COQ5: variants seen among roughly 807,000 people sequenced by gnomAD.
The protein encoded by COQ5 is coenzyme Q5, methyltransferase.
In COQ5, 27 loss-of-function variants were observed where a neutral mutation model predicts 40.5. The observed-to-expected ratio is 0.67, with a 90% CI of 0.49 to 0.92. The LOEUF (loss-of-function observed/expected upper bound fraction) is 0.92, where lower values mean the gene tolerates loss of function less well. Among genes scored for constraint, COQ5 ranks in the 40% least tolerant of loss-of-function variants. COQ5 has a pLI of 0.00. For synonymous variants in COQ5, 141 were observed against 150.0 expected (o/e 0.94, Z 0.44); for missense variants, 409 against 406.4 (o/e 1.01, Z -0.06).
intron 3 of COQ5, among the ~76,000 whole-genome samples, chr12:120,510,688 T>C (rs766776559): frequency 2.6e-5 from 4 of 152,274 alleles, no homozygotes; most frequent in East Asian, 3.9e-4. Flanking sequence ...GCCTACTCTA[T>C]AGGGTTACTA....
chr12:120,516,908 G>A, intron 2 of COQ5, 120 bp from the exon 3 acceptor site: 1 of 861,992 alleles, frequency 1.2e-6, no homozygotes, highest in Admixed American at 1.8e-5. Flanking sequence ...TTAGCTAACT[G>A]GATGCAGTGT....
At chr12:120,522,182 A>G in intron 2 of COQ5, 32 bp downstream of exon 2, 6 of 1,613,142 alleles carry the variant, frequency 3.7e-6, no homozygotes, top group Non-Finnish European at 8.5e-7. Flanking sequence ...AACATGCTCA[A>G]TGGTAGTGAA....
intron 4 of COQ5, among the ~76,000 whole-genome samples, chr12:120,506,521 C>T (rs1565928749): frequency 6.6e-6 from 1 of 152,032 alleles, no homozygotes; most frequent in African/African-American, 2.4e-5. Flanking sequence ...TACATGCCAC[C>T]ACACCCGGCT....
chr12:120,507,581 G>T (rs1191652982), intron 4 of COQ5, among the ~76,000 whole-genome samples: 1 of 147,016 alleles, frequency 6.8e-6, no homozygotes, highest in African/African-American at 2.5e-5. Context: ...ACCACGCCCG[G>T]CCTCTATTCA....
Position 120,516,737 on chromosome 12 carries a change from T to C in COQ5, c.404A>G (p.Lys135Arg), listed in dbSNP as rs748683450. 3.1e-6 allele frequency: 5 copies of C among 1,614,224 alleles called. No homozygotes were observed. In the South Asian group the frequency reaches 5.5e-5, roughly 18 times the overall value. Reference protein sequence around the residue: ...LNYVQSQHQRKQKRQLRAQQN... With the variant: ...LNYVQSQHQRRQKRQLRAQQN... The stretch of plus-strand genomic sequence containing the variant: ...TTGGGCCCTTAACTGCCTCTTCTGT[T>C]TTCTCTGATGCTGGGACTGAACATA... The change falls in exon 3 of 7, where the codon AAA (lysine) becomes AGA (arginine). Residue 135 changes from lysine to arginine, a missense_variant. Lys to Arg is a conservative substitution (Grantham distance 26). Transcript: ENST00000288532.
chr12:120,509,041 GT>G (rs1226852532), intron 4 of COQ5, among the ~76,000 whole-genome samples: 2 of 141,084 alleles, frequency 1.4e-5, no homozygotes, highest in African/African-American at 5.3e-5. Flanking sequence ...AAAAAAAAAA[GT>G]TTTCATTCAA....
At chr12:120,515,180 C>A (rs1869326975) in intron 3 of COQ5, among the ~76,000 whole-genome samples, 1 of 152,112 alleles carries the variant, frequency 6.6e-6, no homozygotes, top group Non-Finnish European at 1.5e-5. Context: ...CAGTCTCGAC[C>A]TCCTGGATTC....
chr12:120,522,391 T>G (rs1869710679), intron 1 of COQ5, 28 bp from the exon 2 acceptor site: 1 of 1,609,148 alleles, frequency 6.2e-7, no homozygotes, highest in East Asian at 2.2e-5. Flanking sequence ...CACACAATAG[T>G]GCTATTAACA....
intron 3 of COQ5, 42 bp downstream of exon 3, chr12:120,516,525 G>A: frequency 6.9e-7 from 1 of 1,448,818 alleles, no homozygotes; most frequent in African/African-American, 1.4e-5. Context: ...ATTCTATAAA[G>A]ATACAAATAC....
intron 3 of COQ5, among the ~76,000 whole-genome samples, chr12:120,510,462 A>G (rs1362692930): frequency 6.6e-6 from 1 of 151,858 alleles, no homozygotes; most frequent in Non-Finnish European, 1.5e-5. Flanking sequence ...GGCACACACC[A>G]CCCTGCCCAG....
At chr12:120,527,985 T>A in intron 1 of COQ5, among the ~76,000 whole-genome samples, 2 of 16,738 alleles carry the variant, frequency 1.2e-4, no homozygotes, top group African/African-American at 2.7e-4. Context: ...AGAGACTCAG[T>A]CTCAAAAAAA....
intron 2 of COQ5, among the ~76,000 whole-genome samples, chr12:120,517,048 C>T (rs1869410026): frequency 6.7e-6 from 1 of 150,122 alleles, no homozygotes; most frequent in Admixed American, 6.6e-5. Flanking sequence ...TCAACACTAA[C>T]TTTTTTTTTT....
Position 120,504,189 on chromosome 12 carries a change from TAGGGA to T in COQ5, c.771-113_771-109del, listed in dbSNP as rs555346415. ...CTGGGGTCACAAACTCAAATGCCTA[TAGGGA>T]TCAAGCAAGAACCTGAATTAAGTGG... is the stretch of plus-strand genomic sequence containing the variant. On this transcript the variant is annotated intron_variant, in intron 5 of 6. Transcript: ENST00000288532. 3.2e-4 allele frequency: 240 copies of T among 746,810 alleles called. 2 individuals are homozygous for T. The highest frequency in any genetic ancestry group is 3.2e-3 in the South Asian group (228 of 71,202). 46.3% of individuals were successfully genotyped at this position (746,810 alleles called of 1,614,324 possible).
intron 2 of COQ5, 53 bp from the exon 3 acceptor site, chr12:120,516,841 G>GA: frequency 6.6e-7 from 1 of 1,506,582 alleles, no homozygotes; most frequent in Non-Finnish European, 9.2e-7. Context: ...AATAAAAAAG[G>GA]AAGAAACAGC....
chr12:120,506,612 C>G (rs1868892780), intron 4 of COQ5, among the ~76,000 whole-genome samples: 1 of 152,012 alleles, frequency 6.6e-6, no homozygotes, highest in South Asian at 2.1e-4. Context: ...GGTGATCCTT[C>G]CACCTTGGCC....
At chr12:120,513,456 T>C (rs1194355485) in intron 3 of COQ5, among the ~76,000 whole-genome samples, 5 of 148,800 alleles carry the variant, frequency 3.4e-5, no homozygotes, top group East Asian at 4.1e-4. Context: ...GAGCCGAGAT[T>C]GCGCCACTGC....
chr12:120,514,999 T>C (rs1869318408), intron 3 of COQ5, among the ~76,000 whole-genome samples: 1 of 151,852 alleles, frequency 6.6e-6, no homozygotes. Flanking sequence ...TCCATATTGG[T>C]CAGGCTGGTC....
intron 1 of COQ5, chr12:120,523,460 T>C (rs901399722): frequency 1.5e-5 from 5 of 342,876 alleles, no homozygotes; most frequent in African/African-American, 1.1e-4. Context: ...ACTGGTCCTC[T>C]CCACAGCCTG....
At chr12:120,522,534 ATTTAT>A in intron 1 of COQ5, 171 bp from the exon 2 acceptor site, 1 of 634,624 alleles carries the variant, frequency 1.6e-6, no homozygotes, top group Middle Eastern at 4.3e-4. Flanking sequence ...CTCTTTATTG[ATTTAT>A]TTTTTTTTCC....
Sources: allele counts gnomAD v4.1 joint callset (sites outside exome capture counted in the v4.1 genomes callset), GRCh38; gene constraint gnomAD v4.1.1; transcripts MANE v1.5; gene names NCBI Gene and HGNC (gene_info 2026-07-23, HGNC 2026-07-21).